The following LIPA variants were observed in gnomAD, a reference collection of about 807,000 sequenced individuals.
LIPA encodes lipase A, lysosomal acid type, also known as lysosomal acid lipase/cholesteryl ester hydrolase.
A neutral mutation model predicts 40.6 loss-of-function variants in LIPA; 26 were observed. That is an observed-to-expected ratio of 0.64 (90% CI 0.47 to 0.89). LIPA has a LOEUF of 0.89. Ranked by LOEUF, LIPA falls within the 40% of genes least tolerant of loss-of-function variation. The pLI is 0.00. For missense variants in LIPA, 455 were observed against 479.6 expected (o/e 0.95, Z 0.48); for synonymous variants, 188 against 168.4 (o/e 1.12, Z -0.90).
rs865927859 is a variant in LIPA at position 89,307,123 on chromosome 10, CA to C, written c.-2+35487del. 5.0e-6 allele frequency: 8 copies of C among 1,613,882 alleles called. No individual in the cohort carries two copies. In the African/African-American group the frequency reaches 1.1e-4, roughly 22 times the overall value. ...AGCTGTACCAAATGAAGTGTGAAGACAAGGCCATCCACCACTTTATAGAGGG... is the reference window on the plus strand; with the variant it reads ...AGCTGTACCAAATGAAGTGTGAAGACAGGCCATCCACCACTTTATAGAGGG... On this transcript the variant is annotated intron_variant, in intron 1 of 5. Transcript: ENST00000282673.
chr10:89,232,222 G>A (rs1356964306), intron 3 of LIPA, among the ~76,000 whole-genome samples: 1 of 152,330 alleles, frequency 6.6e-6, no homozygotes, highest in East Asian at 1.9e-4. Flanking sequence ...CAGTGGCTCT[G>A]CTGTACTGAT....
chr10:89,253,881 A>C (rs1036974607), upstream of LIPA, among the ~76,000 whole-genome samples: 5 of 152,258 alleles, frequency 3.3e-5, no homozygotes, highest in African/African-American at 1.2e-4. Flanking sequence ...CAAGGCAGTC[A>C]TTTCTTAAAG....
intron 2 of LIPA, among the ~76,000 whole-genome samples, chr10:89,371,436 C>G (rs1319270670): frequency 6.6e-6 from 1 of 152,204 alleles, no homozygotes; most frequent in African/African-American, 2.4e-5. Flanking sequence ...CTTCTATGAG[C>G]CTCACAAAGT....
intron 2 of LIPA, among the ~76,000 whole-genome samples, chr10:89,376,786 C>T (rs11203100): frequency 0.038 from 5,749 of 152,242 alleles, 181 homozygotes; most frequent in East Asian, 0.095. Context: ...TTAAGATACC[C>T]AATTATAGAA....
At chr10:89,330,952 T>C (rs7897873) in intron 1 of LIPA, among the ~76,000 whole-genome samples, 37,934 of 152,096 alleles carry the variant, frequency 0.25, 5,045 homozygotes, top group African/African-American at 0.32. Context: ...GGAGTAGGAC[T>C]GCATAGTCAG....
At chr10:89,407,739 G>T (rs1841434906) in intron 2 of LIPA, among the ~76,000 whole-genome samples, 1 of 152,144 alleles carries the variant, frequency 6.6e-6, no homozygotes, top group Non-Finnish European at 1.5e-5. Flanking sequence ...GACTCTAACA[G>T]GTTTTAGAGA....
At chr10:89,286,871 G>C (rs976597587) in intron 1 of LIPA, among the ~76,000 whole-genome samples, 1 of 152,214 alleles carries the variant, frequency 6.6e-6, no homozygotes, top group East Asian at 1.9e-4. Flanking sequence ...CACTGTGAGA[G>C]AAACCCCAGC....
chr10:89,219,783 G>A (rs1417556334), intron 8 of LIPA, among the ~76,000 whole-genome samples: 2 of 152,198 alleles, frequency 1.3e-5, no homozygotes, highest in African/African-American at 2.4e-5. Context: ...GGGAAGATCC[G>A]ATACAATGGC....
At chr10:89,258,289 A>G (rs1250693225) in intron 1 of LIPA, among the ~76,000 whole-genome samples, 3 of 152,156 alleles carry the variant, frequency 2.0e-5, no homozygotes, top group Non-Finnish European at 4.4e-5. Context: ...CTCAAAATGG[A>G]CCATACACAT....
intron 2 of LIPA, chr10:89,405,786 T>A (rs540676294): frequency 1.3e-5 from 2 of 152,366 alleles, no homozygotes; most frequent in East Asian, 1.9e-4. Flanking sequence ...TAATCCAGAA[T>A]AATTGCCCCA....
At chr10:89,383,754 G>C (rs369800890) in intron 2 of LIPA, 3 of 1,614,172 alleles carry the variant, frequency 1.9e-6, no homozygotes, top group Non-Finnish European at 2.5e-6. Flanking sequence ...AGGAAGGATG[G>C]GCCTTGGCGA....
chr10:89,297,578 G>T (rs542673158), intron 1 of LIPA, among the ~76,000 whole-genome samples: 3 of 152,296 alleles, frequency 2.0e-5, no homozygotes, highest in Non-Finnish European at 4.4e-5. Flanking sequence ...GGGAAAGAAT[G>T]GTGCAATGTG....
At chr10:89,259,469 G>A (rs1328735662) in intron 1 of LIPA, among the ~76,000 whole-genome samples, 2 of 152,158 alleles carry the variant, frequency 1.3e-5, no homozygotes, top group East Asian at 3.8e-4. Flanking sequence ...ATCGCTGATG[G>A]GAATGTAAAC....
Position 89,356,571 on chromosome 10 carries a change from G to A in LIPA, c.61+56220C>T, listed in dbSNP as rs115228867. Among the ~76,000 whole-genome samples, 566 of 152,218 alleles carry A rather than the reference G, an allele frequency of 3.7e-3. 3 individuals carry two copies. Among genetic ancestry groups the A allele is most frequent in the African/African-American group, 0.013 (536 of 41,534 alleles). On this transcript the variant is annotated intron_variant, in intron 2 of 8. Coordinates refer to the LIPA transcript ENST00000371837. ...TCTGCATCCGATGAACCTAGGTTGC[G>A]CATTCCTTATGAGAATCTAATGCCT...
intron 2 of LIPA, among the ~76,000 whole-genome samples, chr10:89,388,255 G>A (rs1158909412): frequency 6.6e-6 from 1 of 152,124 alleles, no homozygotes; most frequent in East Asian, 1.9e-4. Context: ...ACAGGTGGGT[G>A]CCACCACACC....
At chr10:89,251,339 CAA>C (rs1298694234) in intron 1 of LIPA, among the ~76,000 whole-genome samples, 2 of 152,176 alleles carry the variant, frequency 1.3e-5, no homozygotes, top group African/African-American at 4.8e-5. Context: ...CGTTGGCTAA[CAA>C]GAGAGGTAGG....
intron 1 of LIPA, among the ~76,000 whole-genome samples, chr10:89,413,955 G>A (rs191765216): frequency 2.6e-5 from 4 of 152,210 alleles, no homozygotes; most frequent in Admixed American, 6.5e-5. Context: ...TGAATTCAAA[G>A]GGGACAAAAT....
intron 1 of LIPA, chr10:89,306,276 T>C: frequency 6.2e-7 from 1 of 1,614,142 alleles, no homozygotes; most frequent in Non-Finnish European, 8.5e-7. Context: ...TACTATCACA[T>C]GGGCCGACTC....
At chr10:89,367,420 T>A (rs953595963) in intron 2 of LIPA, among the ~76,000 whole-genome samples, 2 of 152,248 alleles carry the variant, frequency 1.3e-5, no homozygotes, top group Non-Finnish European at 2.9e-5. Flanking sequence ...AGCTCTGTCC[T>A]GCAATTGTTT....
Sources: allele counts gnomAD v4.1 joint callset (sites outside exome capture counted in the v4.1 genomes callset), GRCh38; gene constraint gnomAD v4.1.1; transcripts MANE v1.5; gene names NCBI Gene and HGNC (gene_info 2026-07-23, HGNC 2026-07-21).